Variants in NAV2 observed in about 807,000 individuals in gnomAD.
NAV2 encodes helicase, APC down-regulated 1.
In NAV2, 54 loss-of-function variants were observed where a neutral mutation model predicts 223.2. That is an observed-to-expected ratio of 0.24 (90% confidence interval 0.19 to 0.30). The LOEUF (loss-of-function observed/expected upper bound fraction) is 0.30. NAV2 is among the 10% of genes least tolerant of loss of function. NAV2 has a pLI of 1.00. For synonymous variants in NAV2, 1,279 were observed against 1,239.3 expected (o/e 1.03, Z -0.67); for missense variants, 2,806 against 3,147.5 (o/e 0.89, Z 2.60).
At chr11:19,439,602 A>G (rs1851329139) in intron 1 of NAV2, among the ~76,000 whole-genome samples, 1 of 152,238 alleles carries the variant, frequency 6.6e-6, no homozygotes, top group Non-Finnish European at 1.5e-5. Flanking sequence ...TAACCTATGT[A>G]ATAGGCCCAA....
chr11:19,780,676 G>A (rs1179344543), intron 1 of NAV2, among the ~76,000 whole-genome samples: 1 of 152,218 alleles, frequency 6.6e-6, no homozygotes, highest in Non-Finnish European at 1.5e-5. Context: ...CAGAATTACA[G>A]TAAAAATTAG....
intron 1 of NAV2, chr11:19,511,549 C>G (rs1240268719): frequency 6.6e-6 from 1 of 152,134 alleles, no homozygotes; most frequent in Non-Finnish European, 1.5e-5. Context: ...AAAATTGTAG[C>G]AGGGAGGGCT....
chr11:19,657,280 G>A (rs565399220), intron 1 of NAV2, among the ~76,000 whole-genome samples: 2 of 152,034 alleles, frequency 1.3e-5, no homozygotes, highest in South Asian at 4.2e-4. Flanking sequence ...CTCCTTTCTG[G>A]GCATCCAGTT....
At chr11:19,680,228 C>G (rs146597875) in intron 1 of NAV2, among the ~76,000 whole-genome samples, 157 of 152,258 alleles carry the variant, frequency 1.0e-3, no homozygotes, top group African/African-American at 3.7e-3. Context: ...CCCCCACCCC[C>G]CTCTTTAGAG....
intron 1 of NAV2, among the ~76,000 whole-genome samples, chr11:19,766,235 G>A (rs769454958): frequency 6.6e-6 from 1 of 152,054 alleles, no homozygotes; most frequent in African/African-American, 2.4e-5. Context: ...TCCTCAGCCC[G>A]GTTGGCTCTG....
At chr11:19,702,503 G>A (rs936934893) in intron 1 of NAV2, among the ~76,000 whole-genome samples, 5 of 152,144 alleles carry the variant, frequency 3.3e-5, no homozygotes, top group Non-Finnish European at 7.4e-5. Context: ...TGTCCTCTGA[G>A]GCCAAGCACA....
rs1488762933 is a variant in NAV2, at chr11:19,466,309, T to C, written c.75+115282T>C. On this transcript the variant is annotated intron_variant, in intron 1 of 37. Transcript: ENST00000360655. ...CCATTTGCACCTGTCCACAATCCCT[T>C]ATTTTCTCTACCAAATGCCCCAATC... 2.0e-5 allele frequency among the ~76,000 whole-genome samples: 3 copies of C among 152,218 alleles called. No individual in the cohort carries two copies. In the East Asian group the frequency reaches 5.8e-4, roughly 29 times the overall value.
At chr11:19,679,233 G>C (rs7484199) in intron 1 of NAV2, among the ~76,000 whole-genome samples, 112,675 of 151,842 alleles carry the variant, frequency 0.74, 46,026 homozygotes, top group Non-Finnish European at 0.91. Context: ...GAGTTCGAGA[G>C]CAGCCTGGCC....
chr11:19,876,705 T>C lies in NAV2; in HGVS notation c.512-3164T>C, dbSNP rs1591019728. Among the ~76,000 whole-genome samples the C allele has an allele frequency of 2.0e-5, 3 of 152,170 alleles. No individual in the cohort carries two copies. In the South Asian group the frequency reaches 6.2e-4, roughly 32 times the overall value. On this transcript the variant is annotated intron_variant, in intron 4 of 37. Transcript: ENST00000349880. ...GCACTGGGATTGGGCTGGTAGGTTATGGAGGGAGCTGATGTGAACGTGCCT... is the reference window on the plus strand; with the variant it reads ...GCACTGGGATTGGGCTGGTAGGTTACGGAGGGAGCTGATGTGAACGTGCCT...
At chr11:19,576,463 C>A (rs2045574066) in intron 1 of NAV2, among the ~76,000 whole-genome samples, 1 of 152,060 alleles carries the variant, frequency 6.6e-6, no homozygotes, top group Non-Finnish European at 1.5e-5. Context: ...GGGAGAAATA[C>A]AAATCACCCA....
chr11:19,559,005 C>T (rs1473162136), intron 1 of NAV2, among the ~76,000 whole-genome samples: 1 of 152,212 alleles, frequency 6.6e-6, no homozygotes, highest in Non-Finnish European at 1.5e-5. Context: ...GCAGTCACTT[C>T]TACCATATTC....
At chr11:19,528,563 C>A (rs1169933574) in intron 1 of NAV2, among the ~76,000 whole-genome samples, 1 of 152,154 alleles carries the variant, frequency 6.6e-6, no homozygotes, top group Non-Finnish European at 1.5e-5. Flanking sequence ...CAGCTCCCTT[C>A]CAAAATGAAG....
intron 1 of NAV2, among the ~76,000 whole-genome samples, chr11:19,528,311 T>C (rs1309961852): frequency 6.6e-6 from 1 of 152,202 alleles, no homozygotes; most frequent in Non-Finnish European, 1.5e-5. Context: ...TTCATGACCT[T>C]CTGGTCTTTG....
At chr11:19,490,871 A>G (rs1407622653) in intron 1 of NAV2, among the ~76,000 whole-genome samples, 1 of 152,218 alleles carries the variant, frequency 6.6e-6, no homozygotes, top group Non-Finnish European at 1.5e-5. Context: ...TTTTGAAATA[A>G]TAAGGCTTCA....
At chr11:19,556,633 T>G (rs1198450390) in intron 1 of NAV2, among the ~76,000 whole-genome samples, 1 of 152,234 alleles carries the variant, frequency 6.6e-6, no homozygotes, top group Non-Finnish European at 1.5e-5. Context: ...AAATAATTTT[T>G]CAATATATGT....
intron 10 of NAV2, chr11:19,981,399 C>T (rs1307881738): frequency 6.6e-6 from 1 of 152,224 alleles, no homozygotes; most frequent in Non-Finnish European, 1.5e-5. Context: ...ACAGTCTGGC[C>T]TTAGCAGGAA....
At chr11:20,088,636 G>T (rs1412612092) in intron 26 of NAV2, among the ~76,000 whole-genome samples, 2 of 152,214 alleles carry the variant, frequency 1.3e-5, no homozygotes, top group African/African-American at 4.8e-5. Flanking sequence ...CGTTTGTAAA[G>T]TCAAGGGTTT....
In NAV2 at chr11:19,715,701, A is replaced by T. The variant is rs1173900636; in HGVS notation, c.267+1739A>T. On this transcript the variant is annotated intron_variant, in intron 1 of 37. Coordinates refer to ENST00000349880, the MANE Select transcript of NAV2 (RefSeq NM_145117.5). ...ATTCATCACCCTGTCCGTGAAAAAA[A>T]ATGTTCTTCAGCTTCTCTCTGAGGG... 2.0e-5 allele frequency among the ~76,000 whole-genome samples: 3 copies of T among 152,178 alleles called. No homozygotes were observed. The East Asian group carries it at 5.8e-4, about 29-fold the overall frequency.
rs558361690 is a variant in NAV2, at chr11:20,089,131, T to G, written c.5499-1734T>G. 2.0e-4 allele frequency among the ~76,000 whole-genome samples: 31 copies of G among 152,334 alleles called. 1 individual carries two copies. In the South Asian group the frequency reaches 6.0e-3, roughly 30 times the overall value. ...AGACATTTCTGTCTCGCCCTTTTAG[T>G]CCTGAATCTATTGGCTTCAGTCTCT... On this transcript the variant is annotated intron_variant, in intron 26 of 37. Coordinates refer to ENST00000349880, the MANE Select transcript of NAV2 (RefSeq NM_145117.5).
Sources: gnomAD v4.1 joint callset for allele counts (sites outside exome capture counted in the v4.1 genomes callset) on GRCh38, gnomAD v4.1.1 for gene constraint, MANE v1.5 for transcripts, NCBI Gene and HGNC (gene_info 2026-07-23, HGNC 2026-07-21) for gene names.